Variants in PHF13 observed in about 807,000 individuals in gnomAD.
The protein encoded by PHF13 is PHD finger protein 13.
A neutral mutation model predicts 25.8 loss-of-function variants in PHF13; 1 was observed. The observed-to-expected ratio is 0.04, with a 90% CI of 0.01 to 0.18. The LOEUF is 0.18. Among genes scored for constraint, PHF13 ranks in the 10% least tolerant of loss-of-function variants. The pLI, the probability that PHF13 is intolerant of heterozygous loss-of-function variation, is 1.00. For synonymous variants in PHF13, 195 were observed against 162.4 expected (o/e 1.20, Z -1.53); for missense variants, 306 against 403.2 (o/e 0.76, Z 2.06).
chr1:6,615,084 A>G (rs1570222493), intron 1 of PHF13, among the ~76,000 whole-genome samples: 2 of 39,352 alleles, frequency 5.1e-5, no homozygotes, highest in South Asian at 1.8e-3. Context: ...CTGCCGCGGG[A>G]GGGCGGGTGG....
intron 1 of PHF13, among the ~76,000 whole-genome samples, chr1:6,615,746 T>A (rs1367102930): frequency 6.6e-6 from 1 of 152,142 alleles, no homozygotes; most frequent in Non-Finnish European, 1.5e-5. Context: ...CAGGAGAAAA[T>A]ATCTTTTTGT....
In PHF13 at chr1:6,621,048, A is replaced by G. The variant is rs1641331289; in HGVS notation, c.677-363A>G. ...CCGTCTCAAGAAAAAAAAAAAAAAC[A>G]ATAGTCGAGTGTGGTGGTGTGTGCC... On this transcript the variant is annotated intron_variant, in intron 3 of 3. Transcript: ENST00000377648. The surrounding 1 kb of genome is among the most constrained non-coding windows in gnomAD (Gnocchi z 4.8). Among the ~76,000 whole-genome samples, 2 of 137,322 alleles carry G rather than the reference A, an allele frequency of 1.5e-5. No homozygotes were observed. The highest frequency in any genetic ancestry group is 5.4e-5 in the African/African-American group (2 of 37,124). The allele number at this position is 137,322 out of a possible 152,430, so 90.1% of individuals were successfully genotyped here.
intron 2 of PHF13, among the ~76,000 whole-genome samples, chr1:6,618,637 C>T (rs1641296511): frequency 6.6e-6 from 1 of 152,038 alleles, no homozygotes; most frequent in Non-Finnish European, 1.5e-5. Context: ...TGCCTGCTTT[C>T]TTTTCTTTCT....
chr1:6,614,296 GCCTCCGCGTCC>G (rs1457326864), intron 1 of PHF13, among the ~76,000 whole-genome samples, 191 bp downstream of exon 1: 48 of 132,182 alleles, frequency 3.6e-4, no homozygotes, highest in African/African-American at 1.4e-3. Flanking sequence ...GCCGGGCCTC[GCCTCCGCGTCC>G]CCTCCGCGGA....
At position 6,619,905 on chromosome 1, in the gene PHF13, C is replaced by G. The variant is rs1641312851; in HGVS notation, c.244C>G (p.Pro82Ala). ...TTTCTCAGACATCGCGTCCTCAGTG[C>G]CCTTGCCAGTCTCTGACCGCTGCTT... The part of the protein sequence containing the change: ...AGFSDIASSV[P>A]LPVSDRCFSH... Residue 82 changes from proline (P) to alanine (A), a missense_variant, in exon 3 of 4, where the codon CCC becomes GCC. Pro to Ala is a conservative substitution (Grantham distance 27). Transcript: ENST00000377648. 1.2e-6 allele frequency: 2 copies of G among 1,613,964 alleles called. No homozygotes were observed. The highest frequency in any genetic ancestry group is 2.2e-5 in the East Asian group (1 of 44,860).
At chr1:6,615,725 C>A (rs1054608446) in intron 1 of PHF13, among the ~76,000 whole-genome samples, 5 of 152,202 alleles carry the variant, frequency 3.3e-5, no homozygotes, top group Admixed American at 2.6e-4. Flanking sequence ...TCCATCTCTC[C>A]GTGCTTCTCT....
At chr1:6,615,906 A>T (rs1487671289) in intron 1 of PHF13, among the ~76,000 whole-genome samples, 1 of 151,992 alleles carries the variant, frequency 6.6e-6, no homozygotes, top group African/African-American at 2.4e-5. Flanking sequence ...TGGCTGGGAC[A>T]GTGGAGGGGA....
chr1:6,614,356 G>A (rs1416265002), intron 1 of PHF13: 2 of 481,866 alleles, frequency 4.2e-6, no homozygotes, highest in Non-Finnish European at 7.3e-6. Context: ...CAGGGCCGTT[G>A]CGCCTATTTC....
chr1:6,619,027 A>G (rs1641301953), intron 2 of PHF13, among the ~76,000 whole-genome samples: 1 of 152,190 alleles, frequency 6.6e-6, no homozygotes, highest in Non-Finnish European at 1.5e-5. Flanking sequence ...TGAACCATAG[A>G]GTTTACTTCA....
Position 6,623,634 on chromosome 1 carries a change from T to A in PHF13, c.*1997T>A, listed in dbSNP as rs1641382374. On this transcript the variant is annotated 3_prime_UTR_variant, in exon 4 of 4. Transcript: ENST00000377648. ...GATGCCTCTGGAATGCATGTGATACTCATCTCCATTTTGTTTCCTTGATTG... is the reference window on the plus strand; with the variant it reads ...GATGCCTCTGGAATGCATGTGATACACATCTCCATTTTGTTTCCTTGATTG... 2.0e-5 allele frequency: 3 copies of A among 152,710 alleles called. No homozygotes were observed. Among genetic ancestry groups the A allele is most frequent in the African/African-American group, 4.8e-5 (2 of 41,482 alleles). The allele number at this position is 152,710 out of a possible 1,614,324, so 9.5% of individuals were successfully genotyped here. A position where few individuals can be genotyped will look rare whatever the true frequency, so the allele number is the denominator to read the frequency against.
At position 6,621,320 on chromosome 1, in the gene PHF13, C is replaced by A; in HGVS notation, c.677-91C>A. 7.3e-7 allele frequency: 1 copy of A among 1,361,552 alleles called. No homozygotes were observed. The highest frequency in any genetic ancestry group is 1.0e-6 in the Non-Finnish European group (1 of 970,692). 84.3% of individuals were successfully genotyped at this position (1,361,552 alleles called of 1,614,324 possible). Reference sequence around the variant, plus strand: ...GAGTGGCAGTTGGAAGTGTTCTCGTCAGTAGAGTTAATGGGTTTCATGGAA... The same window carrying A: ...GAGTGGCAGTTGGAAGTGTTCTCGTAAGTAGAGTTAATGGGTTTCATGGAA... On this transcript the variant is annotated intron_variant, in intron 3 of 3. Transcript: ENST00000377648. This position sits in a 1 kb window ranked among gnomAD's most constrained non-coding sequence, Gnocchi z 4.8.
At position 6,621,804 on chromosome 1, in the gene PHF13, C is replaced by G. The variant is rs151192136; in HGVS notation, c.*167C>G. On this transcript the variant is annotated 3_prime_UTR_variant, in exon 4 of 4. Transcript: ENST00000377648. The surrounding 1 kb of genome is among the most constrained non-coding windows in gnomAD (Gnocchi z 4.8). ...TGTCCAAGGTAGAAACTGTACATAG[C>G]CGGTGACCGAATGCGACCTTTGCCA... 2.9e-6 allele frequency: 2 copies of G among 699,696 alleles called. No individual in the cohort carries two copies. Among genetic ancestry groups the G allele is most frequent in the African/African-American group, 3.6e-5 (2 of 56,086 alleles). The allele number at this position is 699,696 out of a possible 1,614,324, so 43.3% of individuals were successfully genotyped here. A position where few individuals can be genotyped will look rare whatever the true frequency, so the allele number is the denominator to read the frequency against.
chr1:6,619,613 A>T lies in PHF13; in HGVS notation c.142-190A>T, dbSNP rs1641308685. On this transcript the variant is annotated intron_variant, in intron 2 of 3. Transcript: ENST00000377648. Reference sequence around the variant, plus strand: ...CTTGGCGTCCCAGAGTGCTGGGATTACAGGTGTGAGCCACCACGCCCAGCC... The same window carrying T: ...CTTGGCGTCCCAGAGTGCTGGGATTTCAGGTGTGAGCCACCACGCCCAGCC... 2.6e-5 allele frequency among the ~76,000 whole-genome samples: 4 copies of T among 152,078 alleles called. No individual in the cohort carries two copies. In the South Asian group the frequency reaches 8.3e-4, roughly 32 times the overall value.
chr1:6,620,118 A>G lies in PHF13; in HGVS notation c.457A>G (p.Thr153Ala). 1 of 1,613,588 alleles carries G rather than the reference A, an allele frequency of 6.2e-7. No individual in the cohort carries two copies. The highest frequency in any genetic ancestry group is 1.3e-5 in the African/African-American group (1 of 75,010). The change falls in exon 3 of 4, where the codon ACG (threonine) becomes GCG (alanine). Residue 153 changes from threonine to alanine, a missense_variant. This residue lies in a region of PHF13 where 186 missense variants were observed against 164.0 expected (regional missense o/e 1.13). Coordinates refer to ENST00000377648, the MANE Select transcript of PHF13 (RefSeq NM_153812.3). ...EAADPYVETPTSPTLQDIPQA... is the reference protein window; with the variant it reads ...EAADPYVETPASPTLQDIPQA... ...CGCTGACCCCTACGTGGAGACCCCC[A>G]CGAGTCCCACCTTGCAGGATATCCC... is the stretch of plus-strand genomic sequence containing the variant.
Position 6,616,025 on chromosome 1 carries a change from A to ATTTTTTT in PHF13, c.40-717_40-711dup, listed in dbSNP as rs5772244. Among the ~76,000 whole-genome samples, 42 of 91,760 alleles carry ATTTTTTT rather than the reference A, an allele frequency of 4.6e-4. 2 individuals are homozygous for ATTTTTTT. Among genetic ancestry groups the ATTTTTTT allele is most frequent in the South Asian group, 8.9e-4 (2 of 2,240 alleles). 60.2% of individuals were successfully genotyped at this position (91,760 alleles called of 152,430 possible). A position where few individuals can be genotyped will look rare whatever the true frequency, so the allele number is the denominator to read the frequency against. On this transcript the variant is annotated intron_variant, in intron 1 of 3. Coordinates refer to ENST00000377648, the MANE Select transcript of PHF13 (RefSeq NM_153812.3). ...GAGAGCTCTGGAGAATGAGTGGTTG[A>ATTTTTTT]TTTTTTTTTTTTTTTTTTTTTGAGT...
rs1343519449 is a variant in PHF13, at chr1:6,613,914, A to G, written c.-153A>G. On this transcript the variant is annotated 5_prime_UTR_variant, in exon 1 of 4. Coordinates refer to ENST00000377648, the MANE Select transcript of PHF13 (RefSeq NM_153812.3). Reference sequence around the variant, plus strand: ...CCGGGGTCACAGAGCTTGAGAAGCGACGCGCTGAGCCCCCCATCACCTCCA... The same window carrying G: ...CCGGGGTCACAGAGCTTGAGAAGCGGCGCGCTGAGCCCCCCATCACCTCCA... The G allele has an allele frequency of 1.8e-6, 1 of 542,896 alleles. No individual in the cohort carries two copies. Among genetic ancestry groups the G allele is most frequent in the Non-Finnish European group, 3.2e-6 (1 of 312,862 alleles). 33.6% of individuals were successfully genotyped at this position (542,896 alleles called of 1,614,324 possible). A position where few individuals can be genotyped will look rare whatever the true frequency, so the allele number is the denominator to read the frequency against.
In PHF13 at chr1:6,620,142, C is replaced by T. The variant is rs1406240037; in HGVS notation, c.481C>T (p.Pro161Ser). 2.5e-6 allele frequency: 4 copies of T among 1,613,656 alleles called. No homozygotes were observed. The highest frequency in any genetic ancestry group is 1.7e-6 in the Non-Finnish European group (2 of 1,180,030). Residue 161 changes from proline to serine, a missense_variant, in exon 3 of 4, where the codon CCC (proline) becomes TCC (serine). Coordinates refer to ENST00000377648, the MANE Select transcript of PHF13 (RefSeq NM_153812.3). ...CACGAGTCCCACCTTGCAGGATATC[C>T]CCCAGGCTCCCAGCGACCCCTGCTC... ...TPTSPTLQDI[P>S]QAPSDPCSGW...
intron 2 of PHF13, among the ~76,000 whole-genome samples, chr1:6,617,754 G>C (rs1641282340): frequency 6.6e-6 from 1 of 152,180 alleles, no homozygotes; most frequent in South Asian, 2.1e-4. Context: ...ATAAGGGTCT[G>C]TAGTTACTGA....
chr1:6,620,368 G>C (rs758489276), intron 3 of PHF13, 31 bp downstream of exon 3: 1 of 1,591,360 alleles, frequency 6.3e-7, no homozygotes, highest in Non-Finnish European at 8.6e-7. Flanking sequence ...GATGACCCTT[G>C]TTGGCTTGTG....
Sources: gnomAD v4.1 joint callset for allele counts (sites outside exome capture counted in the v4.1 genomes callset) on GRCh38, gnomAD v4.1.1 for gene constraint, gnomAD v4.1.1 regional missense constraint, Gnocchi (gnomAD v3.1) non-coding constraint, MANE v1.5 for transcripts, NCBI Gene and HGNC (gene_info 2026-07-23, HGNC 2026-07-21) for gene names.